PCDHGB1: variants seen among roughly 807,000 people sequenced by gnomAD.
The protein encoded by PCDHGB1 is protocadherin gamma-B1.
In PCDHGB1, 34 loss-of-function variants were observed where a neutral mutation model predicts 56.6. The observed-to-expected ratio is 0.60, with a 90% CI of 0.46 to 0.80. The LOEUF (loss-of-function observed/expected upper bound fraction) is 0.80, where lower values mean the gene tolerates loss of function less well. PCDHGB1 is among the 30% of genes least tolerant of loss of function. The pLI, the probability that PCDHGB1 is intolerant of heterozygous loss-of-function variation, is 0.00. For missense variants in PCDHGB1, 1,278 were observed against 1,204.6 expected (o/e 1.06, Z -0.90); for synonymous variants, 561 against 505.9 (o/e 1.11, Z -1.46).
In PCDHGB1 at chr5:141,487,218, C is replaced by T; in HGVS notation, c.2410-7589C>T. The T allele has an allele frequency of 6.2e-7, 1 of 1,613,938 alleles. No individual in the cohort carries two copies. The highest frequency in any genetic ancestry group is 1.3e-5 in the African/African-American group (1 of 75,024). On this transcript the variant is annotated intron_variant, in intron 1 of 3. Coordinates refer to ENST00000523390, the MANE Select transcript of PCDHGB1 (RefSeq NM_018922.3). The surrounding 1 kb of genome is among the most constrained non-coding windows in gnomAD (Gnocchi z 5.0). ...CCAGATCTTCGAGAATCTTCAGCTCCAAGGGAAGGAGAATCTCGTCTAACC... is the reference window on the plus strand; with the variant it reads ...CCAGATCTTCGAGAATCTTCAGCTCTAAGGGAAGGAGAATCTCGTCTAACC...
rs1248191692 is a variant in PCDHGB1, at chr5:141,419,519, G to T, written c.2409+66850G>T. The T allele has an allele frequency of 1.9e-6, 3 of 1,612,180 alleles. No homozygotes were observed. Among genetic ancestry groups the T allele is most frequent in the Non-Finnish European group, 1.7e-6 (2 of 1,179,504 alleles). ...TGTGAGCCTGCGCGTGTTGGTGGGC[G>T]ACCGTAACGACAACGCACCGCGGGT... On this transcript the variant is annotated intron_variant, in intron 1 of 3. Coordinates refer to ENST00000523390, the MANE Select transcript of PCDHGB1 (RefSeq NM_018922.3).
At chr5:141,443,317 C>CA (rs35054295) in intron 1 of PCDHGB1, among the ~76,000 whole-genome samples, 76,100 of 141,790 alleles carry the variant, frequency 0.54, 21,234 homozygotes, top group African/African-American at 0.75. Flanking sequence ...CCCATCTCTA[C>CA]AAAAAAAAAA....
intron 1 of PCDHGB1, chr5:141,383,333 A>G: frequency 6.2e-7 from 1 of 1,614,006 alleles, no homozygotes; most frequent in South Asian, 1.1e-5. Context: ...ATAATGGAGA[A>G]TACAGCTCCT....
At position 141,511,482 on chromosome 5, in the gene PCDHGB1, C is replaced by A. The variant is rs761434245; in HGVS notation, c.*309C>A. ...CACACCCCGTTTAGTTACAGCTGAA[C>A]TCCTCCATCTTCCAAATCAATCAGG... On this transcript the variant is annotated 3_prime_UTR_variant, in exon 4 of 4. Coordinates refer to ENST00000523390, the MANE Select transcript of PCDHGB1 (RefSeq NM_018922.3). The A allele has an allele frequency of 2.4e-4, 113 of 464,462 alleles. No homozygotes were observed. Among genetic ancestry groups the A allele is most frequent in the Non-Finnish European group, 4.0e-4 (105 of 260,154 alleles). The allele number at this position is 464,462 out of a possible 1,614,324, so 28.8% of individuals were successfully genotyped here. A position where few individuals can be genotyped will look rare whatever the true frequency, so the allele number is the denominator to read the frequency against.
At chr5:141,403,125 A>G (rs755647554) in intron 1 of PCDHGB1, 2 of 1,614,028 alleles carry the variant, frequency 1.2e-6, no homozygotes. Context: ...GAGCCCCGGG[A>G]GCTGGCGGAG....
rs182004159 is a variant in PCDHGB1, at chr5:141,355,552, C to A, written c.2409+2883C>A. On this transcript the variant is annotated intron_variant, in intron 1 of 3. Transcript: ENST00000523390. ...TCTAGAAGATACAGTGAAGATTTTG[C>A]GGGTAGAGGTGGAAATAATCGATGT... The A allele has an allele frequency of 3.6e-5, 58 of 1,613,938 alleles. No individual in the cohort carries two copies. In the East Asian group the frequency reaches 1.2e-3, roughly 33 times the overall value.
intron 1 of PCDHGB1, chr5:141,372,797 C>A (rs1216879551): frequency 3.1e-6 from 5 of 1,597,434 alleles, no homozygotes; most frequent in Non-Finnish European, 3.4e-6. Context: ...CTAATTCAGG[C>A]AATTTGCAAA....
chr5:141,492,206 G>A (rs1180294159), intron 1 of PCDHGB1, among the ~76,000 whole-genome samples: 2 of 152,204 alleles, frequency 1.3e-5, no homozygotes, highest in Non-Finnish European at 2.9e-5. Context: ...TTAGGTGTGC[G>A]CGCGGGGCTC....
chr5:141,375,955 C>A, intron 1 of PCDHGB1: 2 of 1,613,498 alleles, frequency 1.2e-6, no homozygotes, highest in Non-Finnish European at 1.7e-6. Flanking sequence ...TGCACACGGG[C>A]GAGGTGCGCA....
intron 1 of PCDHGB1, chr5:141,415,663 T>C: frequency 6.3e-7 from 1 of 1,578,204 alleles, no homozygotes; most frequent in Non-Finnish European, 8.6e-7. Flanking sequence ...GATTGGTTTT[T>C]ACTTTGAAGT....
chr5:141,385,258 A>G lies in PCDHGB1; in HGVS notation c.2409+32589A>G, dbSNP rs1490610927. ...GCTCATCAGCCAGGAGAGCTGTGAG[A>G]AAAATGATTCTTTGCTAACATCCGT... On this transcript the variant is annotated intron_variant, in intron 1 of 3. Coordinates refer to ENST00000523390, the MANE Select transcript of PCDHGB1 (RefSeq NM_018922.3). 6 of 1,613,776 alleles carry G rather than the reference A, an allele frequency of 3.7e-6. No individual in the cohort carries two copies. In the South Asian group the frequency reaches 6.6e-5, roughly 18 times the overall value.
At chr5:141,510,879 G>T in intron 3 of PCDHGB1, 68 bp from the exon 4 acceptor site, 1 of 1,611,520 alleles carries the variant, frequency 6.2e-7, no homozygotes, top group Non-Finnish European at 8.5e-7. Flanking sequence ...TAACTGCTGG[G>T]GATATAAGAC....
chr5:141,412,976 A>C (rs2095594590), intron 1 of PCDHGB1: 1 of 535,900 alleles, frequency 1.9e-6, no homozygotes. Context: ...GAGAAAACGC[A>C]GCCAGAGCTC....
intron 2 of PCDHGB1, among the ~76,000 whole-genome samples, chr5:141,503,963 C>T (rs900066192): frequency 7.2e-5 from 11 of 152,188 alleles, no homozygotes; most frequent in Admixed American, 6.5e-4. Flanking sequence ...ACAGCCTTTC[C>T]CATGGTGCCA....
chr5:141,382,720 T>C (rs894143659), intron 1 of PCDHGB1: 7 of 480,002 alleles, frequency 1.5e-5, no homozygotes, highest in African/African-American at 1.4e-4. Flanking sequence ...AACCACCGAG[T>C]TTTACAGCAC....
rs183549806 is a variant in PCDHGB1 at position 141,487,760 on chromosome 5, G to A, written c.2410-7047G>A. ...TGTAAGAGGTAACTATGTGGTAGAC[G>A]CTGTGCTTTGTAACTGTTTCGTGAA... On this transcript the variant is annotated intron_variant, in intron 1 of 3. Transcript: ENST00000523390. The surrounding 1 kb of genome is among the most constrained non-coding windows in gnomAD (Gnocchi z 5.0). 42 of 1,545,950 alleles carry A rather than the reference G, an allele frequency of 2.7e-5. No homozygotes were observed. The African/African-American group carries it at 3.8e-4, about 14-fold the overall frequency.
chr5:141,361,531 C>T, intron 1 of PCDHGB1: 2 of 1,614,040 alleles, frequency 1.2e-6, no homozygotes, highest in Non-Finnish European at 1.7e-6. Flanking sequence ...AGAGAACAAT[C>T]CTCCTGGCGC....
At chr5:141,390,536 C>T (rs2092171598) in intron 1 of PCDHGB1, 1 of 522,874 alleles carries the variant, frequency 1.9e-6, no homozygotes, top group Non-Finnish European at 3.4e-6. Context: ...TGGTTTTAAC[C>T]ACAAAGTGAA....
rs2095763034 is a variant in PCDHGB1, at chr5:141,414,586, A to G, written c.2409+61917A>G. 1.2e-6 allele frequency: 2 copies of G among 1,613,964 alleles called. No individual in the cohort carries two copies. The highest frequency in any genetic ancestry group is 8.5e-7 in the Non-Finnish European group (1 of 1,179,880). On this transcript the variant is annotated intron_variant, in intron 1 of 3. Transcript: ENST00000523390. ...TACCTATATCCCAGAGAACAACGCC[A>G]GGGGTGCCTCCATCTTCTCAGTGAC...
Sources: allele counts gnomAD v4.1 joint callset (sites outside exome capture counted in the v4.1 genomes callset), GRCh38; gene constraint gnomAD v4.1.1; non-coding constraint Gnocchi (gnomAD v3.1); transcripts MANE v1.5; gene names NCBI Gene and HGNC (gene_info 2026-07-23, HGNC 2026-07-21).